Variants in MIPOL1 observed in about 807,000 individuals in gnomAD.
MIPOL1 encodes mirror-image polydactyly 1.
MIPOL1 carries 57 observed loss-of-function variants against 60.9 expected under a neutral mutation model. That is an observed-to-expected ratio of 0.94 (90% CI 0.76 to 1.17). MIPOL1 has a LOEUF of 1.17. Among genes scored for constraint, MIPOL1 ranks in the 50% most tolerant of loss-of-function variants. The pLI, the probability that MIPOL1 is intolerant of heterozygous loss-of-function variation, is 0.00. For synonymous variants in MIPOL1, 179 were observed against 168.8 expected, an observed-to-expected ratio of 1.06 and a Z score of -0.47; for missense variants, 551 against 511.6, an observed-to-expected ratio of 1.08 and a Z score of -0.74.
intron 7 of MIPOL1, 41 bp downstream of exon 7, chr14:37,285,488 T>A (rs1166341921): frequency 6.3e-7 from 1 of 1,589,708 alleles, no homozygotes; most frequent in African/African-American, 1.3e-5. Context: ...TTAGGAACAC[T>A]TATAAAAGGC....
At chr14:37,244,793 C>T (rs1441232934) in intron 1 of MIPOL1, among the ~76,000 whole-genome samples, 1 of 151,940 alleles carries the variant, frequency 6.6e-6, no homozygotes. Flanking sequence ...TTCTTGATAT[C>T]AAATCTTTAA....
chr14:37,548,686 C>T lies in MIPOL1; in HGVS notation c.*1715C>T, dbSNP rs2095554300. ...ATTTTTGTCACAAAGTAGTCCATTC[C>T]TGATCTCACTTAAAATAAATCACAA... On this transcript the variant is annotated 3_prime_UTR_variant, in exon 13 of 13. Coordinates refer to ENST00000684589, the MANE Select transcript of MIPOL1 (RefSeq NM_001388067.1). 1 of 151,924 alleles carries T rather than the reference C, an allele frequency of 6.6e-6. No homozygotes were observed. The highest frequency in any genetic ancestry group is 1.5e-5 in the Non-Finnish European group (1 of 67,850). The allele number at this position is 151,924 out of a possible 1,614,324, so 9.4% of individuals were successfully genotyped here. A position where few individuals can be genotyped will look rare whatever the true frequency, so the allele number is the denominator to read the frequency against.
At chr14:37,429,832 G>T (rs1044476930) in intron 11 of MIPOL1, among the ~76,000 whole-genome samples, 4 of 151,930 alleles carry the variant, frequency 2.6e-5, no homozygotes, top group African/African-American at 7.3e-5. Flanking sequence ...AATCCATGGG[G>T]TTTTTTTGTT....
intron 3 of MIPOL1, among the ~76,000 whole-genome samples, chr14:37,262,049 A>G (rs1236348601): frequency 8.1e-5 from 6 of 74,096 alleles, no homozygotes; most frequent in Non-Finnish European, 3.2e-5. Flanking sequence ...TGTGGGGGGA[A>G]AAACACATAT....
At chr14:37,225,569 A>G (rs941378398) in intron 1 of MIPOL1, among the ~76,000 whole-genome samples, 2 of 152,156 alleles carry the variant, frequency 1.3e-5, no homozygotes, top group African/African-American at 4.8e-5. Context: ...GACACAGGGC[A>G]CCAAGTCCCT....
At chr14:37,290,220 G>T (rs1309236357) in intron 7 of MIPOL1, among the ~76,000 whole-genome samples, 1 of 152,014 alleles carries the variant, frequency 6.6e-6, no homozygotes, top group Non-Finnish European at 1.5e-5. Flanking sequence ...GTGTGTGTGG[G>T]TTTTGTTTGT....
chr14:37,394,084 A>ATATATATC (rs1491106712), intron 10 of MIPOL1, among the ~76,000 whole-genome samples: 11 of 134,658 alleles, frequency 8.2e-5, no homozygotes, highest in East Asian at 4.5e-4. Context: ...ATATATATAT[A>ATATATATC]TCTCCATGTT....
intron 1 of MIPOL1, among the ~76,000 whole-genome samples, chr14:37,216,150 G>A (rs1229430355): frequency 1.3e-5 from 2 of 151,742 alleles, no homozygotes; most frequent in African/African-American, 4.8e-5. Flanking sequence ...GTTATATCAG[G>A]CAAAATAGAT....
At chr14:37,387,704 C>G (rs888516929) in intron 10 of MIPOL1, among the ~76,000 whole-genome samples, 39 of 151,884 alleles carry the variant, frequency 2.6e-4, no homozygotes, top group African/African-American at 8.9e-4. Context: ...GTCTCAAGGA[C>G]ATTTTTAACT....
At chr14:37,268,398 A>G (rs1038308318) in intron 4 of MIPOL1, among the ~76,000 whole-genome samples, 5 of 152,178 alleles carry the variant, frequency 3.3e-5, no homozygotes, top group Non-Finnish European at 5.9e-5. Context: ...GATATCTAGC[A>G]TAATTACAAC....
At chr14:37,226,901 A>T (rs563117964) in intron 1 of MIPOL1, among the ~76,000 whole-genome samples, 125 of 152,304 alleles carry the variant, frequency 8.2e-4, no homozygotes, top group African/African-American at 2.8e-3. Context: ...TTTGGAGATA[A>T]GATTTTTGGC....
rs186274716 is a variant in MIPOL1, at chr14:37,208,596, G to A, written c.-199+10492G>A. 5.8e-3 allele frequency among the ~76,000 whole-genome samples: 884 copies of A among 152,202 alleles called. 8 individuals are homozygous for A. The highest frequency in any genetic ancestry group is 0.011 in the Non-Finnish European group (719 of 67,990). ...ATGTAGCCACCATCAAAATATTGTTGTTTTTTAATTTTTTTGAGACAGGGT... is the reference window on the plus strand; with the variant it reads ...ATGTAGCCACCATCAAAATATTGTTATTTTTTAATTTTTTTGAGACAGGGT... On this transcript the variant is annotated intron_variant, in intron 1 of 12. Transcript: ENST00000684589.
At chr14:37,201,851 T>C (rs1359206798) in intron 1 of MIPOL1, among the ~76,000 whole-genome samples, 1 of 152,168 alleles carries the variant, frequency 6.6e-6, no homozygotes, top group East Asian at 1.9e-4. Context: ...TTGTTGCTTT[T>C]AGAAACAGGA....
chr14:37,380,884 C>T (rs1231480882), intron 10 of MIPOL1, among the ~76,000 whole-genome samples: 2 of 152,052 alleles, frequency 1.3e-5, no homozygotes, highest in African/African-American at 4.8e-5. Context: ...ATTTTAGGCC[C>T]AACAGGCAGA....
intron 11 of MIPOL1, among the ~76,000 whole-genome samples, chr14:37,447,320 A>G (rs2094352832): frequency 6.6e-6 from 1 of 152,120 alleles, no homozygotes; most frequent in East Asian, 1.9e-4. Flanking sequence ...TACACCTAAT[A>G]TACTATCTGG....
intron 11 of MIPOL1, among the ~76,000 whole-genome samples, chr14:37,461,720 T>C (rs1363931158): frequency 6.6e-6 from 1 of 152,196 alleles, no homozygotes; most frequent in East Asian, 1.9e-4. Context: ...ATAGGACCCA[T>C]GCAAGTCCAA....
At chr14:37,487,592 C>A (rs550501904) in intron 11 of MIPOL1, among the ~76,000 whole-genome samples, 1 of 152,284 alleles carries the variant, frequency 6.6e-6, no homozygotes, top group Non-Finnish European at 1.5e-5. Flanking sequence ...AGAAATTTAT[C>A]CAATTCTTCT....
chr14:37,466,611 A>G (rs1376366985), intron 11 of MIPOL1, among the ~76,000 whole-genome samples: 1 of 152,216 alleles, frequency 6.6e-6, no homozygotes. Flanking sequence ...AAGTAACTTC[A>G]GGTATTACAT....
At chr14:37,520,140 T>A (rs1234658361) in intron 12 of MIPOL1, among the ~76,000 whole-genome samples, 2 of 152,098 alleles carry the variant, frequency 1.3e-5, no homozygotes, top group Non-Finnish European at 2.9e-5. Flanking sequence ...GCTTAATAAG[T>A]TGAATATTAC....
Sources: gnomAD v4.1 joint callset for allele counts (sites outside exome capture counted in the v4.1 genomes callset) on GRCh38, gnomAD v4.1.1 for gene constraint, MANE v1.5 for transcripts, NCBI Gene and HGNC (gene_info 2026-07-23, HGNC 2026-07-21) for gene names.